GRID1: variants seen among roughly 807,000 people sequenced by gnomAD.
The protein encoded by GRID1 is glutamate ionotropic receptor delta type subunit 1.
GRID1 carries 28 observed loss-of-function variants against 98.0 expected under a neutral mutation model. The observed-to-expected ratio is 0.29, with a 90% CI of 0.21 to 0.39. GRID1 has a LOEUF of 0.39. Among genes scored for constraint, GRID1 ranks in the 10% least tolerant of loss-of-function variants. The probability of loss-of-function intolerance (pLI) is 1.00; values close to 1 mark genes in which losing one functional copy is unlikely to be tolerated. For synonymous variants in GRID1, 553 were observed against 538.5 expected, an observed-to-expected ratio of 1.03 and a Z score of -0.37; for missense variants, 1,111 against 1,340.5, an observed-to-expected ratio of 0.83 and a Z score of 2.67.
At chr10:85,969,005 A>G (rs1256140270) in intron 4 of GRID1, among the ~76,000 whole-genome samples, 1 of 152,234 alleles carries the variant, frequency 6.6e-6, no homozygotes, top group Admixed American at 6.5e-5. Flanking sequence ...GAAAATATGT[A>G]CCATACAAAC....
chr10:86,263,948 CAG>C (rs1337711500), intron 2 of GRID1, among the ~76,000 whole-genome samples: 2 of 152,160 alleles, frequency 1.3e-5, no homozygotes, highest in African/African-American at 4.8e-5. Flanking sequence ...GAGGAGCAAA[CAG>C]AAAGCCAGAG....
intron 3 of GRID1, among the ~76,000 whole-genome samples, chr10:86,183,534 T>A (rs1248327586): frequency 2.0e-5 from 3 of 152,172 alleles, no homozygotes; most frequent in Non-Finnish European, 4.4e-5. Context: ...TGATTTTGTC[T>A]TTTTAGTAGA....
chr10:85,987,490 C>T (rs1334811164), intron 4 of GRID1, among the ~76,000 whole-genome samples: 1 of 17,174 alleles, frequency 5.8e-5, no homozygotes, highest in African/African-American at 2.2e-4. Context: ...AACCTAATCA[C>T]GCCCCCAGCC....
intron 13 of GRID1, among the ~76,000 whole-genome samples, chr10:85,642,822 G>A (rs1338817347): frequency 6.6e-6 from 1 of 152,126 alleles, no homozygotes; most frequent in Non-Finnish European, 1.5e-5. Flanking sequence ...TATTTCCAGA[G>A]GGTTAGTGAT....
chr10:85,627,650 C>A (rs1013824146), intron 13 of GRID1, among the ~76,000 whole-genome samples: 7 of 152,178 alleles, frequency 4.6e-5, no homozygotes, highest in South Asian at 2.1e-4. Flanking sequence ...CGAGGCTCGG[C>A]CTCCTTCCTT....
chr10:85,665,228 C>T (rs1266280405), intron 12 of GRID1, among the ~76,000 whole-genome samples: 1 of 152,112 alleles, frequency 6.6e-6, no homozygotes, highest in Non-Finnish European at 1.5e-5. Context: ...CAGGGTCACA[C>T]CTGGGCAGTG....
intron 5 of GRID1, among the ~76,000 whole-genome samples, chr10:85,900,948 G>T (rs1841374964): frequency 6.6e-6 from 1 of 152,186 alleles, no homozygotes; most frequent in Non-Finnish European, 1.5e-5. Flanking sequence ...GAAAGACCAT[G>T]GAAGACATTA....
At position 85,791,941 on chromosome 10, in the gene GRID1, T is replaced by C. The variant is rs112734975; in HGVS notation, c.1234-62327A>G. Among the ~76,000 whole-genome samples, 1,023 of 152,096 alleles carry C rather than the reference T, an allele frequency of 6.7e-3. 10 individuals are homozygous for C. The highest frequency in any genetic ancestry group is 0.023 in the African/African-American group (952 of 41,506). Reference sequence around the variant, plus strand: ...CTGGGCTGTGGTCCAATGGGGAAGATGCAGTGTCAGAAATAAGAGAAGCAG... The same window carrying C: ...CTGGGCTGTGGTCCAATGGGGAAGACGCAGTGTCAGAAATAAGAGAAGCAG... On this transcript the variant is annotated intron_variant, in intron 8 of 15. Coordinates refer to ENST00000327946, the MANE Select transcript of GRID1 (RefSeq NM_017551.3).
chr10:85,864,306 C>T (rs1289535467), intron 6 of GRID1, among the ~76,000 whole-genome samples: 3 of 152,206 alleles, frequency 2.0e-5, no homozygotes, highest in African/African-American at 4.8e-5. Flanking sequence ...ACAGCCAAGC[C>T]TCAGGAGGAA....
intron 8 of GRID1, among the ~76,000 whole-genome samples, chr10:85,737,299 A>C (rs1841892481): frequency 6.6e-6 from 1 of 152,130 alleles, no homozygotes; most frequent in South Asian, 2.1e-4. Context: ...GCTATCATAT[A>C]CAGGGGCTTT....
intron 2 of GRID1, among the ~76,000 whole-genome samples, chr10:86,288,166 A>G (rs1322056241): frequency 6.6e-6 from 1 of 152,224 alleles, no homozygotes; most frequent in African/African-American, 2.4e-5. Context: ...ATTCCCCACA[A>G]GTCAGGATCT....
At position 86,352,634 on chromosome 10, in the gene GRID1, A is replaced by G. The variant is rs1048580645; in HGVS notation, c.235+11307T>C. Among the ~76,000 whole-genome samples, 3 of 152,080 alleles carry G rather than the reference A, an allele frequency of 2.0e-5. No individual in the cohort carries two copies. The East Asian group carries it at 5.8e-4, about 29-fold the overall frequency. ...CACCCTTATGACCCCATCTAAACCT[A>G]ATTACCTCCCAAGGCCCTGCCTGCA... is the stretch of plus-strand genomic sequence containing the variant. On this transcript the variant is annotated intron_variant, in intron 2 of 15. Transcript: ENST00000327946.
At chr10:85,677,905 T>G (rs1414405355) in intron 12 of GRID1, among the ~76,000 whole-genome samples, 1 of 152,098 alleles carries the variant, frequency 6.6e-6, no homozygotes, top group African/African-American at 2.4e-5. Flanking sequence ...TCATAGAGTG[T>G]ATCTTGAGAC....
intron 4 of GRID1, among the ~76,000 whole-genome samples, chr10:86,045,829 G>A (rs979995592): frequency 3.3e-5 from 5 of 152,212 alleles, no homozygotes; most frequent in Non-Finnish European, 7.3e-5. Flanking sequence ...TTCACATTGG[G>A]AAAGGTGTGG....
In GRID1 at chr10:86,203,401, G is replaced by A. The variant is rs182574624; in HGVS notation, c.520+2963C>T. 1.2e-3 allele frequency among the ~76,000 whole-genome samples: 180 copies of A among 152,024 alleles called. No homozygotes were observed. In the East Asian group the frequency reaches 0.024, roughly 21 times the overall value. Reference sequence around the variant, plus strand: ...GAGGGAGCAGCCACACTTGCACTCCGAGGGCTGGATGTGCTGCATCAAACA... The same window carrying A: ...GAGGGAGCAGCCACACTTGCACTCCAAGGGCTGGATGTGCTGCATCAAACA... On this transcript the variant is annotated intron_variant, in intron 3 of 15. Transcript: ENST00000327946.
chr10:86,110,711 T>C (rs1844468534), intron 4 of GRID1, among the ~76,000 whole-genome samples: 1 of 152,168 alleles, frequency 6.6e-6, no homozygotes, highest in African/African-American at 2.4e-5. Context: ...GCTTTCATCC[T>C]AACAAAACTT....
intron 3 of GRID1, among the ~76,000 whole-genome samples, chr10:86,155,184 C>T (rs558489640): frequency 4.7e-4 from 71 of 152,336 alleles, no homozygotes; most frequent in Middle Eastern, 3.4e-3. Context: ...GCCAGCACCA[C>T]GGGCTGTATG....
At chr10:86,331,990 G>C (rs1564741099) in intron 2 of GRID1, among the ~76,000 whole-genome samples, 1 of 152,148 alleles carries the variant, frequency 6.6e-6, no homozygotes, top group African/African-American at 2.4e-5. Context: ...AGCAGAAACC[G>C]ACAGTCAGGA....
Position 85,602,651 on chromosome 10 carries a change from C to T in GRID1, c.2652G>A (p.Met884Ile), listed in dbSNP as rs1031031080. 1.2e-6 allele frequency: 2 copies of T among 1,613,784 alleles called. No homozygotes were observed. The highest frequency in any genetic ancestry group is 1.3e-5 in the African/African-American group (1 of 74,934). ...EQVHRRMNSL[M>I]DEDIAHKQIS... ...TCTGCTTGTGAGCAATGTCTTCATC[C>T]ATGAGGCTGTTCATGCGCCGGTGGA... Residue 884 changes from methionine (M) to isoleucine (I), a missense_variant, in exon 16 of 16, where the codon ATG becomes ATA. Physicochemically the swap from Met to Ile is conservative, Grantham distance 10. This residue lies in a region of GRID1 where 762 missense variants were observed against 869.1 expected (regional missense o/e 0.88). Transcript: ENST00000327946.
Sources: gnomAD v4.1 joint callset for allele counts (sites outside exome capture counted in the v4.1 genomes callset) on GRCh38, gnomAD v4.1.1 for gene constraint, gnomAD v4.1.1 regional missense constraint, MANE v1.5 for transcripts, NCBI Gene and HGNC (gene_info 2026-07-23, HGNC 2026-07-21) for gene names.